The following CDK6 variants were observed in gnomAD, a reference collection of about 807,000 sequenced individuals.
CDK6 encodes cyclin-dependent kinase 6.
CDK6 carries 6 observed loss-of-function variants against 37.1 expected under a neutral mutation model. The observed-to-expected ratio is 0.16, with a 90% confidence interval of 0.09 to 0.32. The LOEUF is 0.32. CDK6 is among the 10% of genes least tolerant of loss of function. CDK6 has a pLI of 1.00. For missense variants in CDK6, 224 were observed against 418.9 expected (o/e 0.53, Z 4.06); for synonymous variants, 160 against 161.3 (o/e 0.99, Z 0.06).
intron 3 of CDK6, among the ~76,000 whole-genome samples, 195 bp downstream of exon 3, chr7:92,774,501 T>C (rs1201251308): frequency 6.6e-6 from 1 of 152,242 alleles, no homozygotes; most frequent in Non-Finnish European, 1.5e-5. Flanking sequence ...AATACATATG[T>C]CTGTACTTTG....
chr7:92,767,909 A>G (rs1799622364), intron 3 of CDK6, among the ~76,000 whole-genome samples: 1 of 152,180 alleles, frequency 6.6e-6, no homozygotes, highest in African/African-American at 2.4e-5. Flanking sequence ...TTTTAAAAAA[A>G]ACAGAATGTC....
chr7:92,745,344 T>C (rs2115653132), intron 3 of CDK6, among the ~76,000 whole-genome samples: 1 of 152,352 alleles, frequency 6.6e-6, no homozygotes, highest in Non-Finnish European at 1.5e-5. Flanking sequence ...TTGTTAGATG[T>C]CTGTGTTTTC....
At chr7:92,622,923 C>G in intron 6 of CDK6, 113 bp downstream of exon 6, 3 of 680,966 alleles carry the variant, frequency 4.4e-6, no homozygotes, top group Non-Finnish European at 7.8e-6. Context: ...TCTGCAGCAG[C>G]TGCTTGAAGT....
At chr7:92,705,908 T>A (rs1474983377) in intron 4 of CDK6, among the ~76,000 whole-genome samples, 2 of 152,230 alleles carry the variant, frequency 1.3e-5, no homozygotes, top group Non-Finnish European at 2.9e-5. Context: ...CTTTTCTGAA[T>A]GGGGGGCATT....
At chr7:92,652,490 A>G (rs1796598772) in intron 5 of CDK6, among the ~76,000 whole-genome samples, 1 of 152,210 alleles carries the variant, frequency 6.6e-6, no homozygotes, top group South Asian at 2.1e-4. Flanking sequence ...ACATAATTTT[A>G]GTCATACTTA....
chr7:92,786,359 C>T (rs1406180074), intron 2 of CDK6, among the ~76,000 whole-genome samples: 1 of 152,156 alleles, frequency 6.6e-6, no homozygotes, highest in Non-Finnish European at 1.5e-5. Flanking sequence ...TGATTAGGTA[C>T]TGATCTAATA....
intron 4 of CDK6, among the ~76,000 whole-genome samples, chr7:92,688,889 T>C (rs922545815): frequency 2.0e-5 from 3 of 152,158 alleles, no homozygotes; most frequent in Non-Finnish European, 4.4e-5. Context: ...TTCCATTTGT[T>C]GTGAGTCTTC....
At chr7:92,690,887 G>A (rs1245314173) in intron 4 of CDK6, among the ~76,000 whole-genome samples, 1 of 152,138 alleles carries the variant, frequency 6.6e-6, no homozygotes, top group African/African-American at 2.4e-5. Context: ...CATTATGGGA[G>A]TCAATTACCA....
intron 3 of CDK6, among the ~76,000 whole-genome samples, chr7:92,768,984 T>C (rs1005557276): frequency 6.6e-6 from 1 of 152,120 alleles, no homozygotes; most frequent in Non-Finnish European, 1.5e-5. Context: ...GACCAGTCAG[T>C]CACTTTGCAT....
intron 2 of CDK6, among the ~76,000 whole-genome samples, chr7:92,805,827 C>A (rs1800711386): frequency 6.6e-6 from 1 of 152,132 alleles, no homozygotes; most frequent in African/African-American, 2.4e-5. Flanking sequence ...TCTATTATTT[C>A]CAATCTGAAC....
At chr7:92,704,687 C>T (rs140421371) in intron 4 of CDK6, among the ~76,000 whole-genome samples, 206 of 152,206 alleles carry the variant, frequency 1.4e-3, no homozygotes, top group Middle Eastern at 6.8e-3. Flanking sequence ...ATTTTCACTG[C>T]TGTGTAATTC....
chr7:92,803,022 T>C (rs1236466385), intron 2 of CDK6, among the ~76,000 whole-genome samples: 1 of 152,244 alleles, frequency 6.6e-6, no homozygotes, highest in African/African-American at 2.4e-5. Context: ...TTTTCAAATA[T>C]GCCCTTCCCA....
chr7:92,615,376 T>C (rs1338289266), intron 7 of CDK6, 90 bp from the exon 8 acceptor site: 2 of 1,058,470 alleles, frequency 1.9e-6, no homozygotes, highest in Non-Finnish European at 2.9e-6. Context: ...CACTGTCATA[T>C]GTTAAGCGCA....
intron 4 of CDK6, among the ~76,000 whole-genome samples, chr7:92,709,249 AAAAAAGGTTTTAAAGCACTCTGCTC>A (rs1397868293): frequency 1.1e-4 from 16 of 152,080 alleles, no homozygotes; most frequent in Non-Finnish European, 1.8e-4. Flanking sequence ...TTTTTAGGGT[AAAAAAGGTTTTAAAGCACTCTGCTC>A]AACAACCCAC....
rs894548753 is a variant in CDK6 at position 92,699,221 on chromosome 7, G to T, written c.537+26405C>A. ...GAGACAGAAAGCTTTCACATTTTAG[G>T]ATCCCTTTTAAAGCAAGGCTGACAT... On this transcript the variant is annotated intron_variant, in intron 4 of 7. Transcript: ENST00000424848. 3.3e-5 allele frequency among the ~76,000 whole-genome samples: 5 copies of T among 152,092 alleles called. No homozygotes were observed. The East Asian group carries it at 9.6e-4, about 29-fold the overall frequency.
chr7:92,699,330 G>A (rs1490084816), intron 4 of CDK6, among the ~76,000 whole-genome samples: 1 of 152,202 alleles, frequency 6.6e-6, no homozygotes, highest in Non-Finnish European at 1.5e-5. Flanking sequence ...TGCTGATGCT[G>A]TTAGCTATTA....
At chr7:92,818,342 T>C (rs1801080175) in intron 2 of CDK6, among the ~76,000 whole-genome samples, 1 of 151,898 alleles carries the variant, frequency 6.6e-6, no homozygotes, top group African/African-American at 2.4e-5. Flanking sequence ...TAATTCAAAA[T>C]GAAGAAAGCA....
rs1177283320 is a variant in CDK6 at position 92,612,239 on chromosome 7, A to G, written c.*2901T>C. 1 of 233,076 alleles carries G rather than the reference A, an allele frequency of 4.3e-6. No individual in the cohort carries two copies. Among genetic ancestry groups the G allele is most frequent in the Non-Finnish European group, 8.5e-6 (1 of 117,982 alleles). The allele number at this position is 233,076 out of a possible 1,614,324, so 14.4% of individuals were successfully genotyped here. A position where few individuals can be genotyped will look rare whatever the true frequency, so the allele number is the denominator to read the frequency against. ...GTACTGGTCCTACTATGAAATTCAA[A>G]CATGATTTCAAATCTGTCACAATAT... On this transcript the variant is annotated 3_prime_UTR_variant, in exon 8 of 8. Coordinates refer to ENST00000424848, the MANE Select transcript of CDK6 (RefSeq NM_001145306.2).
intron 5 of CDK6, among the ~76,000 whole-genome samples, chr7:92,624,977 A>AT (rs34635850): frequency 6.6e-5 from 10 of 151,176 alleles, no homozygotes; most frequent in Admixed American, 3.3e-4. Context: ...ATTTTTCAAG[A>AT]TTTTTTTTTG....
Sources: allele counts gnomAD v4.1 joint callset (sites outside exome capture counted in the v4.1 genomes callset), GRCh38; gene constraint gnomAD v4.1.1; transcripts MANE v1.5; gene names NCBI Gene and HGNC (gene_info 2026-07-23, HGNC 2026-07-21).